Variants in COBL observed in about 807,000 individuals in gnomAD.
The protein encoded by COBL is cordon-bleu WH2 repeat protein, also known as protein cordon-bleu.
Under a neutral mutation model 98.8 loss-of-function variants are expected in COBL, and 51 were observed. That is an observed-to-expected ratio of 0.52 (90% confidence interval 0.41 to 0.65). The LOEUF (loss-of-function observed/expected upper bound fraction) is 0.65, where lower values mean the gene tolerates loss of function less well. Ranked by LOEUF, COBL falls within the 30% of genes least tolerant of loss-of-function variation. The pLI is 0.00. For synonymous variants in COBL, 634 were observed against 651.7 expected (o/e 0.97, Z 0.41); for missense variants, 1,617 against 1,617.5 (o/e 1.00, Z 0.01).
At chr7:51,276,902 C>A (rs1030101181) in intron 1 of COBL, among the ~76,000 whole-genome samples, 3 of 152,142 alleles carry the variant, frequency 2.0e-5, no homozygotes, top group Non-Finnish European at 4.4e-5. Flanking sequence ...TCAGCTGAGG[C>A]TCATAAGATT....
At chr7:51,272,114 G>A (rs1584368895) in intron 1 of COBL, among the ~76,000 whole-genome samples, 1 of 152,178 alleles carries the variant, frequency 6.6e-6, no homozygotes, top group African/African-American at 2.4e-5. Flanking sequence ...ACATGTAAAT[G>A]CATATTTTTT....
At chr7:51,091,864 G>A (rs1445887262) in intron 6 of COBL, among the ~76,000 whole-genome samples, 2 of 151,812 alleles carry the variant, frequency 1.3e-5, no homozygotes, top group African/African-American at 4.8e-5. Context: ...GAAGAGGGTG[G>A]AATGACATAT....
intron 1 of COBL, among the ~76,000 whole-genome samples, chr7:51,301,016 T>A (rs1015704687): frequency 2.0e-5 from 3 of 152,150 alleles, no homozygotes; most frequent in African/African-American, 7.2e-5. Flanking sequence ...CATGTTGCTA[T>A]CTTGTGTCCC....
intron 2 of COBL, among the ~76,000 whole-genome samples, chr7:51,207,962 C>T (rs1373949844): frequency 3.5e-5 from 5 of 143,974 alleles, no homozygotes; most frequent in South Asian, 2.2e-4. Flanking sequence ...TCTGCCTGGC[C>T]GCCATCCCAT....
At chr7:51,097,260 A>T (rs1486342689) in intron 6 of COBL, among the ~76,000 whole-genome samples, 3 of 151,862 alleles carry the variant, frequency 2.0e-5, no homozygotes, top group African/African-American at 2.4e-5. Flanking sequence ...TTTATGATTT[A>T]AAAAAACACT....
chr7:51,187,989 T>C (rs1789710866), intron 4 of COBL: 2 of 1,232,082 alleles, frequency 1.6e-6, no homozygotes, highest in South Asian at 4.1e-5. Flanking sequence ...GAGAGTGAGG[T>C]CCAGCTTTGA....
intron 2 of COBL, among the ~76,000 whole-genome samples, chr7:51,197,272 T>C (rs1790681855): frequency 6.6e-6 from 1 of 152,200 alleles, no homozygotes; most frequent in East Asian, 1.9e-4. Context: ...CTTCCTTTCA[T>C]TATTTAACCA....
chr7:51,154,821 T>C (rs1178898936), intron 5 of COBL, among the ~76,000 whole-genome samples: 2 of 152,228 alleles, frequency 1.3e-5, no homozygotes, highest in African/African-American at 4.8e-5. Flanking sequence ...TTCACCATTT[T>C]CCTTTTTCCG....
At position 51,029,706 on chromosome 7, in the gene COBL, G is replaced by A. The variant is rs183984683; in HGVS notation, c.1505-115C>T. 3.6e-5 allele frequency: 30 copies of A among 826,446 alleles called. 1 individual carries two copies. The highest frequency in any genetic ancestry group is 1.9e-4 in the Admixed American group (6 of 32,296). The allele number at this position is 826,446 out of a possible 1,614,324, so 51.2% of individuals were successfully genotyped here. ...ACTTTTGAATACATTATTTATATAC[G>A]TTTTAAAATGTTATTTGGGTTTGTA... On this transcript the variant is annotated intron_variant, in intron 9 of 12. Transcript: ENST00000265136.
At chr7:51,311,171 T>A (rs1476916231) in intron 1 of COBL, among the ~76,000 whole-genome samples, 1 of 152,232 alleles carries the variant, frequency 6.6e-6, no homozygotes, top group Non-Finnish European at 1.5e-5. Flanking sequence ...TTTCTCTTTT[T>A]TAATAGAAAT....
chr7:51,316,791 A>C lies in COBL; in HGVS notation c.-158T>G. The C allele has an allele frequency of 2.1e-6, 1 of 479,896 alleles. No homozygotes were observed. Among genetic ancestry groups the C allele is most frequent in the Non-Finnish European group, 3.1e-6 (1 of 326,042 alleles). The allele number at this position is 479,896 out of a possible 1,614,324, so 29.7% of individuals were successfully genotyped here. On this transcript the variant is annotated 5_prime_UTR_variant, in exon 1 of 13. Coordinates refer to ENST00000265136, the MANE Select transcript of COBL (RefSeq NM_015198.5). ...ACAGCGGCGGAGCGCGGCGGACGGA[A>C]GGGGCTGGAATCGTCTCTAGCGGGC...
In COBL at chr7:51,026,676, AAC is replaced by A. The variant is rs1787603710; in HGVS notation, c.3385-13_3385-12del. 1 of 1,612,508 alleles carries A rather than the reference AAC, an allele frequency of 6.2e-7. No individual in the cohort carries two copies. Among genetic ancestry groups the A allele is most frequent in the Non-Finnish European group, 8.5e-7 (1 of 1,179,160 alleles). On this transcript the variant is annotated splice_polypyrimidine_tract_variant and intron_variant, in intron 10 of 12. Coordinates refer to ENST00000265136, the MANE Select transcript of COBL (RefSeq NM_015198.5). Reference sequence around the variant, plus strand: ...GGTGTGTTCTGCCGTCTAGAATATTAACAGTGTCACACATTTCACTGAGAACA... The same window carrying A: ...GGTGTGTTCTGCCGTCTAGAATATTAAGTGTCACACATTTCACTGAGAACA...
chr7:51,129,983 G>A (rs142900564), intron 6 of COBL, among the ~76,000 whole-genome samples: 182 of 152,310 alleles, frequency 1.2e-3, no homozygotes, highest in African/African-American at 4.3e-3. Flanking sequence ...ATCTCAGAGG[G>A]GCATGGGAGT....
intron 8 of COBL, among the ~76,000 whole-genome samples, chr7:51,040,233 A>G (rs1248320578): frequency 6.6e-6 from 1 of 151,284 alleles, no homozygotes; most frequent in Non-Finnish European, 1.5e-5. Flanking sequence ...CCAAAAAACT[A>G]GATTCATTCT....
chr7:51,211,362 C>T (rs181423536), intron 2 of COBL, among the ~76,000 whole-genome samples: 237 of 152,358 alleles, frequency 1.6e-3, no homozygotes, highest in Non-Finnish European at 2.4e-3. Flanking sequence ...GTGGGGCTGA[C>T]TGCATCCTCT....
At chr7:51,316,454 A>T in intron 1 of COBL, 139 bp downstream of exon 1, 1 of 567,148 alleles carries the variant, frequency 1.8e-6, no homozygotes. Flanking sequence ...CCAGCACCGC[A>T]CCACCTGCTC....
chr7:51,160,930 G>T (rs1426071310), intron 5 of COBL, among the ~76,000 whole-genome samples: 3 of 151,096 alleles, frequency 2.0e-5, no homozygotes, highest in Admixed American at 6.6e-5. Context: ...TTGAGATGGA[G>T]TCTCACTCTG....
chr7:51,146,146 C>T (rs1329221275), intron 5 of COBL, among the ~76,000 whole-genome samples: 2 of 152,230 alleles, frequency 1.3e-5, no homozygotes, highest in African/African-American at 4.8e-5. Flanking sequence ...AGCATCTGTG[C>T]AAGAGCTGCA....
chr7:51,239,553 C>T (rs916260876), intron 1 of COBL, among the ~76,000 whole-genome samples: 4 of 152,236 alleles, frequency 2.6e-5, no homozygotes, highest in Non-Finnish European at 5.9e-5. Flanking sequence ...ACTCGCGCTA[C>T]TGCTCTGCCT....
Sources: gnomAD v4.1 joint callset for allele counts (sites outside exome capture counted in the v4.1 genomes callset) on GRCh38, gnomAD v4.1.1 for gene constraint, MANE v1.5 for transcripts, NCBI Gene and HGNC (gene_info 2026-07-23, HGNC 2026-07-21) for gene names.